The following TRIP11 variants were observed in gnomAD, a reference collection of about 807,000 sequenced individuals.
TRIP11 encodes thyroid receptor-interacting protein 11.
A neutral mutation model predicts 223.1 loss-of-function variants in TRIP11; 148 were observed. The ratio of observed to expected loss-of-function variants is 0.66; its 90% confidence interval spans 0.58 to 0.76. The LOEUF is 0.76. Ranked by LOEUF, TRIP11 falls within the 30% of genes least tolerant of loss-of-function variation. TRIP11 has a pLI of 0.00. For missense variants in TRIP11, 2,043 were observed against 2,222.0 expected, an observed-to-expected ratio of 0.92 and a Z score of 1.62; for synonymous variants, 762 against 772.6, an observed-to-expected ratio of 0.99 and a Z score of 0.23.
At chr14:92,032,919 T>C (rs746996867) in intron 2 of TRIP11, among the ~76,000 whole-genome samples, 2 of 152,126 alleles carry the variant, frequency 1.3e-5, no homozygotes, top group Non-Finnish European at 2.9e-5. Context: ...TGGATTATGA[T>C]AAATTATTGA....
At position 92,004,281 on chromosome 14, in the gene TRIP11, A is replaced by G; in HGVS notation, c.3695T>C (p.Val1232Ala). Reference protein sequence around the residue: ...EEWKQQVMTTVQNMQHESAQL... With the variant: ...EEWKQQVMTTAQNMQHESAQL... Reference sequence around the variant, plus strand: ...GGCTGACTCGTGTTGCATATTTTGTACTGTGGTCATCACCTGCTGCTTCCA... The same window carrying G: ...GGCTGACTCGTGTTGCATATTTTGTGCTGTGGTCATCACCTGCTGCTTCCA... Residue 1232 changes from valine (V) to alanine (A), a missense_variant, in exon 11 of 21, where the codon GTA (valine) becomes GCA (alanine). Transcript: ENST00000267622. The G allele has an allele frequency of 1.9e-6, 3 of 1,614,052 alleles. No individual in the cohort carries two copies. The highest frequency in any genetic ancestry group is 2.5e-6 in the Non-Finnish European group (3 of 1,180,002).
intron 16 of TRIP11, among the ~76,000 whole-genome samples, chr14:91,979,418 G>A (rs533678160): frequency 2.9e-4 from 44 of 152,218 alleles, no homozygotes; most frequent in African/African-American, 8.9e-4. Context: ...ATCAAACTGC[G>A]TAGAAGTCCA....
At chr14:92,026,574 C>T (rs889206611) in intron 2 of TRIP11, 137 of 1,280,456 alleles carry the variant, frequency 1.1e-4, no homozygotes, top group African/African-American at 2.6e-4. Context: ...CCATGTCAGA[C>T]GCAGCCGTGG....
intron 2 of TRIP11, among the ~76,000 whole-genome samples, chr14:92,029,536 C>T (rs1263754216): frequency 3.3e-5 from 5 of 151,968 alleles, no homozygotes; most frequent in African/African-American, 7.2e-5. Flanking sequence ...CCTCATGATC[C>T]GCCCACTTCA....
Position 92,026,951 on chromosome 14 carries a change from C to G in TRIP11, c.202-1531G>C. On this transcript the variant is annotated intron_variant, in intron 2 of 20. Transcript: ENST00000267622. The stretch of plus-strand genomic sequence containing the variant: ...CCGCGACCTATTCACCCTCCACTTC[C>G]CCTCTCAGAATCTAAACGTGGTCAC... 6.4e-6 allele frequency: 7 copies of G among 1,100,928 alleles called. No individual in the cohort carries two copies. In the South Asian group the frequency reaches 9.4e-5, roughly 15 times the overall value. The allele number at this position is 1,100,928 out of a possible 1,614,324, so 68.2% of individuals were successfully genotyped here. A position where few individuals can be genotyped will look rare whatever the true frequency, so the allele number is the denominator to read the frequency against.
At position 91,986,656 on chromosome 14, in the gene TRIP11, A is replaced by G. The variant is rs575742791; in HGVS notation, c.5260+1628T>C. 4.6e-5 allele frequency among the ~76,000 whole-genome samples: 7 copies of G among 152,348 alleles called. No individual in the cohort carries two copies. In the South Asian group the frequency reaches 1.4e-3, roughly 32 times the overall value. On this transcript the variant is annotated intron_variant, in intron 16 of 20. Transcript: ENST00000267622. The stretch of plus-strand genomic sequence containing the variant: ...TATAGTAGCATAACATATAGCACTG[A>G]GTTGTCACAAAGCAATGAGCTGGTT...
At chr14:91,983,706 TTA>T (rs1380727455) in intron 16 of TRIP11, among the ~76,000 whole-genome samples, 1 of 152,242 alleles carries the variant, frequency 6.6e-6, no homozygotes, top group Non-Finnish European at 1.5e-5. Context: ...CTGGTACTTC[TTA>T]TATGTTTCCT....
At chr14:91,998,921 A>G (rs10144835) in intron 13 of TRIP11, among the ~76,000 whole-genome samples, 7,417 of 152,226 alleles carry the variant, frequency 0.049, 543 homozygotes, top group African/African-American at 0.16. Context: ...TTTGGAGTTG[A>G]ACAGAGCCAA....
chr14:92,022,570 A>G (rs1231287374), intron 3 of TRIP11, among the ~76,000 whole-genome samples: 1 of 152,234 alleles, frequency 6.6e-6, no homozygotes, highest in African/African-American at 2.4e-5. Flanking sequence ...ATAGCGCAAA[A>G]GAAATTATAA....
chr14:92,017,602 C>A, intron 5 of TRIP11, 80 bp downstream of exon 5: 2 of 1,088,096 alleles, frequency 1.8e-6, no homozygotes, highest in East Asian at 2.4e-5. Flanking sequence ...ATAACTGAGA[C>A]TTTTACTAAT....
At chr14:92,027,210 G>A (rs748639994) in intron 2 of TRIP11, among the ~76,000 whole-genome samples, 12 of 151,016 alleles carry the variant, frequency 7.9e-5, no homozygotes, top group East Asian at 1.9e-4. Context: ...TAATGATCTC[G>A]GATGACCAAA....
At position 92,003,564 on chromosome 14, in the gene TRIP11, G is replaced by A. The variant is rs1435910452; in HGVS notation, c.4412C>T (p.Thr1471Ile). The A allele has an allele frequency of 1.7e-5, 28 of 1,613,880 alleles. No individual in the cohort carries two copies. Among genetic ancestry groups the A allele is most frequent in the Non-Finnish European group, 2.3e-5 (27 of 1,179,980 alleles). ...LKGENEKIVE[T>I]YRGKETEYQA... ...ATATTCTGTTTCCTTTCCCCTGTAT[G>A]TTTCCACTATTTTTTCATTTTCTCC... Residue 1471 changes from threonine (T) to isoleucine (I), a missense_variant, in exon 11 of 21, where the codon ACA (threonine) becomes ATA (isoleucine). By Grantham distance (89) the Thr-to-Ile change is moderately conservative. Coordinates refer to ENST00000267622, the MANE Select transcript of TRIP11 (RefSeq NM_004239.4).
chr14:92,017,929 A>G (rs932973551), intron 4 of TRIP11, among the ~76,000 whole-genome samples, 179 bp from the exon 5 acceptor site: 3 of 152,226 alleles, frequency 2.0e-5, no homozygotes, highest in Admixed American at 2.0e-4. Context: ...TACACAATAA[A>G]TAAAAGATAT....
intron 16 of TRIP11, 116 bp downstream of exon 16, chr14:91,988,168 G>A (rs1462294644): frequency 2.0e-5 from 15 of 755,784 alleles, no homozygotes; most frequent in Non-Finnish European, 2.7e-5. Context: ...GATACAAATG[G>A]AAGTCACACA....
At chr14:92,014,146 C>T in intron 7 of TRIP11, 69 bp downstream of exon 7, 1 of 1,596,752 alleles carries the variant, frequency 6.3e-7, no homozygotes, top group South Asian at 1.1e-5. Context: ...GTTAGTGAAG[C>T]ATCTGTCTCT....
Position 92,006,108 on chromosome 14 carries a change from A to C in TRIP11, c.1868T>G (p.Ile623Arg). 1 of 1,606,964 alleles carries C rather than the reference A, an allele frequency of 6.2e-7. No homozygotes were observed. Among genetic ancestry groups the C allele is most frequent in the Non-Finnish European group, 8.5e-7 (1 of 1,177,818 alleles). The change falls in exon 11 of 21, where the codon ATA (isoleucine) becomes AGA (arginine). Residue 623 changes from isoleucine (I) to arginine (R), a missense_variant. Transcript: ENST00000267622. ...TAGAGACTGCATTAACTCATTCCTT[A>C]TTCTAGAAAGCTCCTCCTCATTTTG... is the stretch of plus-strand genomic sequence containing the variant. ...IRQNEEELSR[I>R]RNELMQSLNQ...
intron 7 of TRIP11, among the ~76,000 whole-genome samples, chr14:92,012,276 A>G (rs1056964222): frequency 1.1e-4 from 16 of 152,226 alleles, no homozygotes; most frequent in Non-Finnish European, 4.4e-5. Context: ...TCAATTTGGT[A>G]TTATAGATAG....
At position 92,007,837 on chromosome 14, in the gene TRIP11, A is replaced by G. The variant is rs2056924643; in HGVS notation, c.1330T>C (p.Ser444Pro). 6.2e-7 allele frequency: 1 copy of G among 1,609,432 alleles called. No individual in the cohort carries two copies. The highest frequency in any genetic ancestry group is 8.5e-7 in the Non-Finnish European group (1 of 1,177,688). Residue 444 changes from serine to proline, a missense_variant, in exon 10 of 21, where the codon TCA (serine) becomes CCA (proline). By Grantham distance (74) the Ser-to-Pro change is moderately conservative. Transcript: ENST00000267622. The stretch of plus-strand genomic sequence containing the variant: ...TATTCATTGTTCAATTTTAAAAGTG[A>G]CATCTGAAGTTCTTCCTGAAATGAT... The part of the protein sequence containing the change: ...LSQEKEELQM[S>P]LLKLNNEYEV...
intron 11 of TRIP11, among the ~76,000 whole-genome samples, chr14:92,002,068 G>A (rs2056834054): frequency 6.6e-6 from 1 of 152,088 alleles, no homozygotes; most frequent in South Asian, 2.1e-4. Context: ...ATATTTTATT[G>A]TTTTGCCTAT....
Sources: allele counts gnomAD v4.1 joint callset (sites outside exome capture counted in the v4.1 genomes callset), GRCh38; gene constraint gnomAD v4.1.1; transcripts MANE v1.5; gene names NCBI Gene and HGNC (gene_info 2026-07-23, HGNC 2026-07-21).